Variants in TMEM131L observed in about 807,000 individuals in gnomAD.
TMEM131L encodes transmembrane 131 like, also known as transmembrane protein 131-like.
Under a neutral mutation model 192.2 loss-of-function variants are expected in TMEM131L, and 54 were observed. The ratio of observed to expected loss-of-function variants is 0.28; its 90% CI spans 0.23 to 0.35. The LOEUF is 0.35. TMEM131L is among the 10% of genes least tolerant of loss of function. The pLI, the probability that TMEM131L is intolerant of heterozygous loss-of-function variation, is 1.00. For synonymous variants in TMEM131L, 701 were observed against 704.9 expected (o/e 0.99, Z 0.09); for missense variants, 1,888 against 1,972.9 (o/e 0.96, Z 0.82).
chr4:153,497,720 C>T (rs80136548), intron 3 of TMEM131L, among the ~76,000 whole-genome samples: 193 of 152,214 alleles, frequency 1.3e-3, no homozygotes, highest in African/African-American at 4.3e-3. Flanking sequence ...GCCTGCCGAA[C>T]GCACAGACAT....
At chr4:153,609,945 T>G (rs1442518578) in intron 25 of TMEM131L, among the ~76,000 whole-genome samples, 1 of 152,218 alleles carries the variant, frequency 6.6e-6, no homozygotes, top group Non-Finnish European at 1.5e-5. Flanking sequence ...GCTTTACTGT[T>G]TCATAGTGCT....
chr4:153,584,152 C>G (rs1032255530), intron 11 of TMEM131L, among the ~76,000 whole-genome samples: 6 of 152,120 alleles, frequency 3.9e-5, no homozygotes, highest in African/African-American at 1.4e-4. Context: ...AGAGAGTGTT[C>G]AGAAACATGC....
chr4:153,525,658 T>C (rs984332764), intron 3 of TMEM131L, among the ~76,000 whole-genome samples: 1 of 151,738 alleles, frequency 6.6e-6, no homozygotes, highest in Non-Finnish European at 1.5e-5. Flanking sequence ...TTCAGTTTCT[T>C]AATTTCTTTT....
chr4:153,537,752 T>A lies in TMEM131L; in HGVS notation c.240-12321T>A, dbSNP rs1162373078. On this transcript the variant is annotated intron_variant, in intron 3 of 34. Coordinates refer to ENST00000409959, the MANE Select transcript of TMEM131L (RefSeq NM_001131007.2). Reference sequence around the variant, plus strand: ...TCCAAGACTTAGAATGCCTTAACTGTCTGGGAATGCAGCCCAGTAGGTTTC... The same window carrying A: ...TCCAAGACTTAGAATGCCTTAACTGACTGGGAATGCAGCCCAGTAGGTTTC... Among the ~76,000 whole-genome samples, 3 of 152,212 alleles carry A rather than the reference T, an allele frequency of 2.0e-5. No individual in the cohort carries two copies. The East Asian group carries it at 5.8e-4, about 29-fold the overall frequency.
At chr4:153,496,373 G>C (rs1378031788) in intron 3 of TMEM131L, among the ~76,000 whole-genome samples, 1 of 152,172 alleles carries the variant, frequency 6.6e-6, no homozygotes, top group African/African-American at 2.4e-5. Context: ...GAGGCACAGG[G>C]ATAGTTGCTT....
chr4:153,632,745 C>T lies in TMEM131L; in HGVS notation c.4235C>T (p.Pro1412Leu), dbSNP rs201042771. Reference sequence around the variant, plus strand: ...CTTTACTCACCTGGAGACCTGTGGCCCACTCCGCCAGTGTGTGTGACAAGC... The same window carrying T: ...CTTTACTCACCTGGAGACCTGTGGCTCACTCCGCCAGTGTGTGTGACAAGC... ...KGLYSPGDLW[P>L]TPPVCVTSSL... Residue 1412 changes from proline to leucine, a missense_variant, in exon 32 of 35, where the codon CCC becomes CTC. Coordinates refer to ENST00000409959, the MANE Select transcript of TMEM131L (RefSeq NM_001131007.2). The T allele has an allele frequency of 6.2e-7, 1 of 1,614,010 alleles. No homozygotes were observed. Among genetic ancestry groups the T allele is most frequent in the Non-Finnish European group, 8.5e-7 (1 of 1,179,998 alleles).
At chr4:153,539,841 T>C (rs1247045774) in intron 3 of TMEM131L, among the ~76,000 whole-genome samples, 3 of 151,130 alleles carry the variant, frequency 2.0e-5, no homozygotes, top group Admixed American at 6.6e-5. Flanking sequence ...CCGGGCACGG[T>C]GGCTTACGCC....
chr4:153,580,859 C>A lies in TMEM131L; in HGVS notation c.694C>A (p.Gln232Lys). 6.2e-7 allele frequency: 1 copy of A among 1,612,868 alleles called. No individual in the cohort carries two copies. Among genetic ancestry groups the A allele is most frequent in the South Asian group, 1.1e-5 (1 of 91,040 alleles). ...ETTNTSLLQV[Q>K]LECSLHNKVC... ...CACTAATACTAGCCTCTTGCAGGTGCAACTGGAATGCAGTTTACATAATAA... is the reference window on the plus strand; with the variant it reads ...CACTAATACTAGCCTCTTGCAGGTGAAACTGGAATGCAGTTTACATAATAA... The change falls in exon 8 of 35, where the codon CAA (glutamine) becomes AAA (lysine). Residue 232 changes from glutamine (Q) to lysine (K), a missense_variant. Transcript: ENST00000409959.
intron 13 of TMEM131L, among the ~76,000 whole-genome samples, chr4:153,585,905 G>A (rs1268770981): frequency 6.6e-6 from 1 of 152,052 alleles, no homozygotes; most frequent in Non-Finnish European, 1.5e-5. Flanking sequence ...AAAATATTAT[G>A]TATATGTATT....
At chr4:153,622,807 C>CCTACTCCTCCTGTCA in intron 28 of TMEM131L, 91 bp from the exon 29 acceptor site, 1 of 1,282,876 alleles carries the variant, frequency 7.8e-7, no homozygotes, top group Non-Finnish European at 1.1e-6. Flanking sequence ...TGAACCTGGC[C>CCTACTCCTCCTGTCA]CTACTCCTCC....
intron 7 of TMEM131L, among the ~76,000 whole-genome samples, chr4:153,577,469 T>C (rs1025859571): frequency 7.9e-5 from 12 of 152,214 alleles, no homozygotes; most frequent in African/African-American, 2.9e-4. Context: ...TATTTTGACT[T>C]TGTAGGCTGT....
In TMEM131L at chr4:153,555,471, G is replaced by GTGTTT. The variant is rs1554032492; in HGVS notation, c.309-304_309-300dup. The stretch of plus-strand genomic sequence containing the variant: ...GAGAAGTGCCAGTGAGTGCCTACAT[G>GTGTTT]TGTTTTGTTTTGTTTTTTTGCAAGC... On this transcript the variant is annotated intron_variant, in intron 4 of 34. Transcript: ENST00000409959. The surrounding 1 kb of genome is among the most constrained non-coding windows in gnomAD (Gnocchi z 4.1). Among the ~76,000 whole-genome samples the GTGTTT allele has an allele frequency of 1.3e-5, 2 of 152,090 alleles. No homozygotes were observed. Among genetic ancestry groups the GTGTTT allele is most frequent in the Non-Finnish European group, 2.9e-5 (2 of 68,020 alleles).
intron 3 of TMEM131L, among the ~76,000 whole-genome samples, chr4:153,482,178 G>A (rs955422320): frequency 5.3e-5 from 8 of 152,068 alleles, no homozygotes; most frequent in African/African-American, 1.7e-4. Context: ...TCTGTAGTTG[G>A]TTGTTTTTTT....
intron 4 of TMEM131L, among the ~76,000 whole-genome samples, chr4:153,551,442 C>T (rs1283779358): frequency 6.6e-6 from 1 of 151,938 alleles, no homozygotes; most frequent in African/African-American, 2.4e-5. Context: ...ACTGCAGCCT[C>T]CGCCTGTTGG....
chr4:153,589,652 C>T (rs1730935390), intron 16 of TMEM131L, among the ~76,000 whole-genome samples: 1 of 152,150 alleles, frequency 6.6e-6, no homozygotes, highest in African/African-American at 2.4e-5. Context: ...TGCATAAGGG[C>T]CAACGACTGC....
chr4:153,616,632 A>G (rs1435161692), intron 26 of TMEM131L, among the ~76,000 whole-genome samples: 1 of 152,252 alleles, frequency 6.6e-6, no homozygotes, highest in Non-Finnish European at 1.5e-5. Context: ...TGATTATTAT[A>G]GAAGCATAAA....
chr4:153,618,363 G>C (rs1442037187), intron 26 of TMEM131L, among the ~76,000 whole-genome samples: 1 of 151,132 alleles, frequency 6.6e-6, no homozygotes, highest in Non-Finnish European at 1.5e-5. Flanking sequence ...TGTAGTGTCA[G>C]CTACTCAGGA....
At chr4:153,490,420 T>G (rs1274991103) in intron 3 of TMEM131L, among the ~76,000 whole-genome samples, 2 of 152,172 alleles carry the variant, frequency 1.3e-5, no homozygotes, top group Non-Finnish European at 2.9e-5. Context: ...AGGCACTTGC[T>G]CTCTAGTCCT....
chr4:153,486,554 C>T (rs1011559956), intron 3 of TMEM131L, among the ~76,000 whole-genome samples: 1 of 152,200 alleles, frequency 6.6e-6, no homozygotes, highest in Admixed American at 6.5e-5. Flanking sequence ...CACCTGGGAG[C>T]CTGGTTCTTC....
Sources: gnomAD v4.1 joint callset for allele counts (sites outside exome capture counted in the v4.1 genomes callset) on GRCh38, gnomAD v4.1.1 for gene constraint, Gnocchi (gnomAD v3.1) non-coding constraint, MANE v1.5 for transcripts, NCBI Gene and HGNC (gene_info 2026-07-23, HGNC 2026-07-21) for gene names.